ATRNL1: variants seen among roughly 807,000 people sequenced by gnomAD.
ATRNL1 encodes attractin like 1, also known as attractin-like protein 1.
Under a neutral mutation model 182.7 loss-of-function variants are expected in ATRNL1, and 95 were observed. The observed-to-expected ratio is 0.52, with a 90% CI of 0.44 to 0.62. The LOEUF (loss-of-function observed/expected upper bound fraction) is 0.62. Ranked by LOEUF, ATRNL1 falls within the 20% of genes least tolerant of loss-of-function variation. The pLI is 0.00. For missense variants in ATRNL1, 1,471 were observed against 1,679.5 expected, an observed-to-expected ratio of 0.88 and a Z score of 2.17; for synonymous variants, 576 against 568.3, an observed-to-expected ratio of 1.01 and a Z score of -0.19.
intron 26 of ATRNL1, among the ~76,000 whole-genome samples, chr10:115,565,537 G>C (rs2133849528): frequency 6.6e-6 from 1 of 152,086 alleles, no homozygotes; most frequent in East Asian, 1.9e-4. Context: ...CGGCATTCAA[G>C]TTCTGGCTTT....
intron 24 of ATRNL1, among the ~76,000 whole-genome samples, chr10:115,495,723 A>G (rs1241297467): frequency 6.6e-6 from 1 of 150,668 alleles, no homozygotes; most frequent in African/African-American, 2.4e-5. Context: ...TAATTTGCTG[A>G]GAATTGTTTT....
intron 24 of ATRNL1, among the ~76,000 whole-genome samples, chr10:115,469,531 T>C (rs529074551): frequency 6.6e-6 from 1 of 150,718 alleles, no homozygotes; most frequent in African/African-American, 2.4e-5. Flanking sequence ...ACAAACTCTA[T>C]ACTTAAATTT....
At chr10:115,184,902 G>A (rs1554888499) in intron 8 of ATRNL1, among the ~76,000 whole-genome samples, 1 of 151,900 alleles carries the variant, frequency 6.6e-6, no homozygotes, top group Admixed American at 6.6e-5. Flanking sequence ...ATGCGAAGAA[G>A]GACTGCAAAC....
At chr10:115,424,763 T>C (rs1845808191) in intron 20 of ATRNL1, among the ~76,000 whole-genome samples, 1 of 151,960 alleles carries the variant, frequency 6.6e-6, no homozygotes, top group Admixed American at 6.6e-5. Flanking sequence ...GTTATGAGAA[T>C]TGTGGTTGTG....
intron 27 of ATRNL1, among the ~76,000 whole-genome samples, chr10:115,817,684 T>C (rs1213642584): frequency 6.6e-6 from 1 of 152,096 alleles, no homozygotes; most frequent in Admixed American, 6.6e-5. Context: ...TCACCTCTTA[T>C]ACAAGAAGGA....
At chr10:115,418,455 G>T (rs945941363) in intron 20 of ATRNL1, among the ~76,000 whole-genome samples, 4 of 152,150 alleles carry the variant, frequency 2.6e-5, no homozygotes, top group Admixed American at 1.3e-4. Context: ...TACCAGATCT[G>T]TGGGACAACA....
chr10:115,330,171 ATTACTCTTC>A (rs2134061182), intron 18 of ATRNL1, among the ~76,000 whole-genome samples: 1 of 152,216 alleles, frequency 6.6e-6, no homozygotes, highest in Admixed American at 6.5e-5. Flanking sequence ...CTTTAACTTC[ATTACTCTTC>A]TACATTTTGC....
intron 19 of ATRNL1, among the ~76,000 whole-genome samples, chr10:115,350,334 C>CAAAAAAAAAAAAAAAAAAAAA (rs1424122017): frequency 3.4e-5 from 1 of 29,732 alleles, no homozygotes; most frequent in Non-Finnish European, 5.2e-5. Context: ...GACTCTGTCT[C>CAAAAAAAAAAAAAAAAAAAAA]AAAAAAAAAA....
At chr10:115,485,047 G>A (rs1340534940) in intron 24 of ATRNL1, among the ~76,000 whole-genome samples, 2 of 151,934 alleles carry the variant, frequency 1.3e-5, no homozygotes, top group African/African-American at 4.8e-5. Context: ...GTGTGGTGTT[G>A]CTAGTATTTA....
chr10:115,847,911 C>T lies in ATRNL1; in HGVS notation c.3938C>T (p.Ala1313Val). ...APKPIAIEPC[A>V]GNRAAVLTVF... ...AAGCCAATTGCCATTGAACCATGTG[C>T]TGGGAACAGAGCTGCTGTTCTGACT... is the stretch of plus-strand genomic sequence containing the variant. The change falls in exon 28 of 29, where the codon GCT becomes GTT. Residue 1313 changes from alanine (A) to valine (V), a missense_variant. By Grantham distance (64) the Ala-to-Val change is moderately conservative. This residue lies in a region of ATRNL1 where 437 missense variants were observed against 506.0 expected (regional missense o/e 0.86). Transcript: ENST00000355044. The T allele has an allele frequency of 6.2e-7, 1 of 1,612,634 alleles. No homozygotes were observed. The highest frequency in any genetic ancestry group is 8.5e-7 in the Non-Finnish European group (1 of 1,178,930).
At chr10:115,594,781 A>G (rs1360479358) in intron 26 of ATRNL1, among the ~76,000 whole-genome samples, 1 of 152,202 alleles carries the variant, frequency 6.6e-6, no homozygotes, top group Non-Finnish European at 1.5e-5. Flanking sequence ...GTGGAATTAC[A>G]GATGTGAGCC....
chr10:115,796,728 C>T (rs1949662963), intron 27 of ATRNL1, among the ~76,000 whole-genome samples: 1 of 152,090 alleles, frequency 6.6e-6, no homozygotes, highest in African/African-American at 2.4e-5. Flanking sequence ...AGCAGTTTGG[C>T]CAGTTGTCCT....
chr10:115,607,187 G>C (rs1856917262), intron 26 of ATRNL1, among the ~76,000 whole-genome samples: 2 of 151,766 alleles, frequency 1.3e-5, no homozygotes, highest in Admixed American at 1.3e-4. Flanking sequence ...AAAATTTAAA[G>C]AAGACTGTGT....
At chr10:115,168,389 G>C (rs1042095494) in intron 7 of ATRNL1, among the ~76,000 whole-genome samples, 6 of 152,104 alleles carry the variant, frequency 3.9e-5, no homozygotes, top group Non-Finnish European at 8.8e-5. Context: ...AGAACTGACA[G>C]AATGTTTTCC....
chr10:115,282,933 A>G (rs1181129936), intron 14 of ATRNL1, among the ~76,000 whole-genome samples: 1 of 151,758 alleles, frequency 6.6e-6, no homozygotes, highest in Non-Finnish European at 1.5e-5. Flanking sequence ...CCCATCACCT[A>G]CATTAGGTAT....
chr10:115,808,442 C>T (rs1229508086), intron 27 of ATRNL1, among the ~76,000 whole-genome samples: 1 of 152,006 alleles, frequency 6.6e-6, no homozygotes, highest in Non-Finnish European at 1.5e-5. Flanking sequence ...GGACTTTTGG[C>T]TTGTTTCTAG....
In ATRNL1 at chr10:115,469,235, A is replaced by G. The variant is rs1554971588; in HGVS notation, c.3560A>G (p.Asp1187Gly). 2.0e-6 allele frequency: 3 copies of G among 1,481,352 alleles called. No homozygotes were observed. Among genetic ancestry groups the G allele is most frequent in the Admixed American group, 2.2e-5 (1 of 45,962 alleles). The allele number at this position is 1,481,352 out of a possible 1,614,324, so 91.8% of individuals were successfully genotyped here. The change falls in exon 24 of 29, where the codon GAT (aspartate) becomes GGT (glycine). Residue 1187 changes from aspartate (D) to glycine (G), a missense_variant. Coordinates refer to ENST00000355044, the MANE Select transcript of ATRNL1 (RefSeq NM_207303.4). ...AAGAATAATATAAAGGAATACAGAG[A>G]TAGTTTTTCCTATGAAAAATTTAAC... ...VSKNNIKEYR[D>G]SFSYEKFNFR...
At chr10:115,581,287 G>C (rs1356467559) in intron 26 of ATRNL1, among the ~76,000 whole-genome samples, 1 of 152,008 alleles carries the variant, frequency 6.6e-6, no homozygotes, top group Non-Finnish European at 1.5e-5. Context: ...AGTTTTGTCA[G>C]TGCCCCAAGA....
At chr10:115,252,034 G>T (rs1370633052) in intron 10 of ATRNL1, among the ~76,000 whole-genome samples, 1 of 152,032 alleles carries the variant, frequency 6.6e-6, no homozygotes, top group Admixed American at 6.6e-5. Flanking sequence ...TGTTGTTGTT[G>T]TTGTTGTTTT....
Sources: gnomAD v4.1 joint callset for allele counts (sites outside exome capture counted in the v4.1 genomes callset) on GRCh38, gnomAD v4.1.1 for gene constraint, gnomAD v4.1.1 regional missense constraint, MANE v1.5 for transcripts, NCBI Gene and HGNC (gene_info 2026-07-23, HGNC 2026-07-21) for gene names.